The following FASTKD1 variants were observed in gnomAD, a reference collection of about 807,000 sequenced individuals.
FASTKD1 encodes FAST kinase domains 1.
FASTKD1 carries 94 observed loss-of-function variants against 90.9 expected under a neutral mutation model. The ratio of observed to expected loss-of-function variants is 1.03; its 90% CI spans 0.88 to 1.23. FASTKD1 has a LOEUF of 1.23. FASTKD1 is among the 50% of genes most tolerant of loss of function. The pLI is 0.00. For missense variants in FASTKD1, 945 were observed against 993.5 expected (o/e 0.95, Z 0.66); for synonymous variants, 319 against 345.8 (o/e 0.92, Z 0.86).
At position 169,546,175 on chromosome 2, in the gene FASTKD1, GT is replaced by G. The variant is rs766497001; in HGVS notation, c.1701+42del. On this transcript the variant is annotated intron_variant, in intron 8 of 14. Transcript: ENST00000453153. ...TATGATAAAAATTATGCTTGCAGAA[GT>G]TGACAACTCTATAAAATTAATGTCT... The G allele has an allele frequency of 1.4e-5, 21 of 1,501,416 alleles. 1 individual carries two copies. The Admixed American group carries it at 4.3e-4, about 31-fold the overall frequency. The allele number at this position is 1,501,416 out of a possible 1,614,324, so 93.0% of individuals were successfully genotyped here.
At chr2:169,568,027 A>G (rs939531131) in intron 3 of FASTKD1, among the ~76,000 whole-genome samples, 1 of 152,158 alleles carries the variant, frequency 6.6e-6, no homozygotes, top group Admixed American at 6.5e-5. Flanking sequence ...AAGATTTCCC[A>G]TTTTTCTGAA....
At chr2:169,573,075 G>C (rs1684301876) in intron 1 of FASTKD1, 1 of 152,204 alleles carries the variant, frequency 6.6e-6, no homozygotes, top group South Asian at 2.1e-4. Flanking sequence ...TCTAGTACTA[G>C]TGAAGCAGGG....
rs1277256956 is a variant in FASTKD1, at chr2:169,555,264, G to T, written c.1083-9C>A. ...GCAGAACTGAAGTAACTCTAAAAAG[G>T]ATAGAGCATATATTATAACCAGTTC... On this transcript the variant is annotated splice_polypyrimidine_tract_variant and intron_variant, in intron 6 of 14. Coordinates refer to ENST00000453153, the MANE Select transcript of FASTKD1 (RefSeq NM_024622.6). 6.2e-7 allele frequency: 1 copy of T among 1,600,460 alleles called. No homozygotes were observed. The highest frequency in any genetic ancestry group is 1.7e-5 in the Admixed American group (1 of 57,866).
intron 1 of FASTKD1, chr2:169,572,878 G>C (rs539685052): frequency 3.9e-5 from 6 of 152,240 alleles, no homozygotes; most frequent in African/African-American, 1.4e-4. Context: ...ATTTATAATT[G>C]AGAAGTAATG....
In FASTKD1 at chr2:169,544,760, A is replaced by C; in HGVS notation, c.1777T>G (p.Phe593Val). The change falls in exon 9 of 15, where the codon TTT becomes GTT. Residue 593 changes from phenylalanine (F) to valine (V), a missense_variant. Coordinates refer to ENST00000453153, the MANE Select transcript of FASTKD1 (RefSeq NM_024622.6). ...LNYDPPQRDE[F>V]LGTCVQHLNS... ...AGATGTTGCACGCAAGTTCCCAAAAATTCATCCCTTTGAGGTGGATCATAG... is the reference window on the plus strand; with the variant it reads ...AGATGTTGCACGCAAGTTCCCAAAACTTCATCCCTTTGAGGTGGATCATAG... 1.2e-6 allele frequency: 2 copies of C among 1,612,164 alleles called. No homozygotes were observed. Among genetic ancestry groups the C allele is most frequent in the Non-Finnish European group, 1.7e-6 (2 of 1,178,456 alleles).
chr2:169,534,479 T>C (rs1684638216), intron 12 of FASTKD1, among the ~76,000 whole-genome samples: 1 of 138,382 alleles, frequency 7.2e-6, no homozygotes, highest in Non-Finnish European at 1.5e-5. Context: ...TTTTTTTTTT[T>C]GATACAGAGT....
At chr2:169,550,590 C>T (rs901534520) in intron 7 of FASTKD1, among the ~76,000 whole-genome samples, 5 of 152,050 alleles carry the variant, frequency 3.3e-5, no homozygotes, top group African/African-American at 9.6e-5. Flanking sequence ...GTGATCCTCC[C>T]GCCTCAGCCT....
chr2:169,557,891 T>C (rs998695092), intron 5 of FASTKD1, among the ~76,000 whole-genome samples: 2 of 152,212 alleles, frequency 1.3e-5, no homozygotes, highest in African/African-American at 2.4e-5. Flanking sequence ...GAAAGCAAGC[T>C]CGAAACGTGA....
In FASTKD1 at chr2:169,528,925, C is replaced by T. The variant is rs1164261426; in HGVS notation, c.*900G>A. Among the ~76,000 whole-genome samples the T allele has an allele frequency of 6.6e-6, 1 of 152,084 alleles. No homozygotes were observed. The highest frequency in any genetic ancestry group is 1.5e-5 in the Non-Finnish European group (1 of 68,014). On this transcript the variant is annotated 3_prime_UTR_variant, in exon 15 of 15. Coordinates refer to ENST00000453153, the MANE Select transcript of FASTKD1 (RefSeq NM_024622.6). ...TCCTTTCCTGATTCCTCCTCTTCCTCTTAATCTTTTAATGTTGGGGCACTT... is the reference window on the plus strand; with the variant it reads ...TCCTTTCCTGATTCCTCCTCTTCCTTTTAATCTTTTAATGTTGGGGCACTT...
intron 7 of FASTKD1, among the ~76,000 whole-genome samples, chr2:169,549,587 C>T (rs1685398386): frequency 6.6e-6 from 1 of 151,960 alleles, no homozygotes; most frequent in Non-Finnish European, 1.5e-5. Flanking sequence ...GCCTCAGCCT[C>T]TCTACACACT....
At chr2:169,530,005 T>A in intron 14 of FASTKD1, 79 bp from the exon 15 acceptor site, 1 of 935,968 alleles carries the variant, frequency 1.1e-6, no homozygotes, top group Non-Finnish European at 1.6e-6. Flanking sequence ...TAAGCACTAC[T>A]GATCAAAGCT....
chr2:169,572,076 C>T lies in FASTKD1; in HGVS notation c.-47G>A, dbSNP rs779365476. The T allele has an allele frequency of 4.6e-6, 7 of 1,525,728 alleles. No individual in the cohort carries two copies. The highest frequency in any genetic ancestry group is 1.3e-5 in the South Asian group (1 of 75,292). The allele number at this position is 1,525,728 out of a possible 1,614,324, so 94.5% of individuals were successfully genotyped here. The stretch of plus-strand genomic sequence containing the variant: ...GTAAACAAAACCATCTGCAACTAGT[C>T]GTCAGGTGCAATAAGCAGGGATACA... On this transcript the variant is annotated 5_prime_UTR_variant, in exon 2 of 15. Transcript: ENST00000453153.
chr2:169,554,671 A>G (rs1685663377), intron 7 of FASTKD1, among the ~76,000 whole-genome samples: 2 of 152,136 alleles, frequency 1.3e-5, no homozygotes, highest in Non-Finnish European at 2.9e-5. Flanking sequence ...CTCAAAAAAA[A>G]AAAGAGGAAA....
rs757011210 is a variant in FASTKD1, at chr2:169,546,630, TGAG to T, written c.1286_1288del (p.Pro429del). 3.4e-5 allele frequency: 55 copies of T among 1,614,032 alleles called. No homozygotes were observed. In the Admixed American group the frequency reaches 4.7e-4, roughly 14 times the overall value. On this transcript the variant is annotated inframe_deletion, in exon 8 of 15. Coordinates refer to ENST00000453153, the MANE Select transcript of FASTKD1 (RefSeq NM_024622.6). Reference sequence around the variant, plus strand: ...TCGGGATATCCCCACTTCGTCCAAGTGAGGAGAAGGGAGCAGGGAAATAGCACG... The same window carrying T: ...TCGGGATATCCCCACTTCGTCCAAGTGAGAAGGGAGCAGGGAAATAGCACG...
chr2:169,538,749 T>C (rs1684840579), intron 10 of FASTKD1, among the ~76,000 whole-genome samples: 1 of 151,054 alleles, frequency 6.6e-6, no homozygotes, highest in East Asian at 1.9e-4. Flanking sequence ...GATTTTATCC[T>C]AAGGAAACAA....
Position 169,571,932 on chromosome 2 carries a change from G to T in FASTKD1, c.98C>A (p.Pro33His). ...PFSWRVFQFR[P>H]ISCEPLIIQM... ...AATAATTAGTGGTTCACAACTGATGGGTCGAAATTGAAACACTCTCCAGGA... is the reference window on the plus strand; with the variant it reads ...AATAATTAGTGGTTCACAACTGATGTGTCGAAATTGAAACACTCTCCAGGA... The change falls in exon 2 of 15, where the codon CCC becomes CAC. Residue 33 changes from proline (P) to histidine (H), a missense_variant. Pro to His is a moderately conservative substitution (Grantham distance 77). Coordinates refer to ENST00000453153, the MANE Select transcript of FASTKD1 (RefSeq NM_024622.6). 2 of 1,613,874 alleles carry T rather than the reference G, an allele frequency of 1.2e-6. No individual in the cohort carries two copies. Among genetic ancestry groups the T allele is most frequent in the South Asian group, 1.1e-5 (1 of 91,060 alleles).
intron 3 of FASTKD1, among the ~76,000 whole-genome samples, chr2:169,568,629 A>T (rs984882195): frequency 2.2e-4 from 1 of 4,452 alleles, no homozygotes; most frequent in Non-Finnish European, 4.5e-4. Flanking sequence ...CCTGTCCATT[A>T]AAAAAAAAAA....
intron 13 of FASTKD1, 103 bp downstream of exon 13, chr2:169,531,249 G>T: frequency 8.3e-7 from 1 of 1,202,192 alleles, no homozygotes; most frequent in Non-Finnish European, 1.2e-6. Flanking sequence ...GACATATGAG[G>T]AACAGATTCC....
chr2:169,571,258 T>C (rs1446318276), intron 2 of FASTKD1: 2 of 152,810 alleles, frequency 1.3e-5, no homozygotes, highest in African/African-American at 4.8e-5. Flanking sequence ...AAAAAAATTA[T>C]TTTTCATTTT....
Sources: allele counts gnomAD v4.1 joint callset (sites outside exome capture counted in the v4.1 genomes callset), GRCh38; gene constraint gnomAD v4.1.1; transcripts MANE v1.5; gene names NCBI Gene and HGNC (gene_info 2026-07-23, HGNC 2026-07-21).